The following TLN2 variants were observed in gnomAD, a reference collection of about 807,000 sequenced individuals.
TLN2 encodes talin-2.
Under a neutral mutation model 294.7 loss-of-function variants are expected in TLN2, and 118 were observed. That is an observed-to-expected ratio of 0.40 (90% CI 0.34 to 0.47). The LOEUF is 0.47. Among genes scored for constraint, TLN2 ranks in the 20% least tolerant of loss-of-function variants. The pLI is 0.84. For synonymous variants in TLN2, 1,431 were observed against 1,304.5 expected, an observed-to-expected ratio of 1.10 and a Z score of -2.09; for missense variants, 3,083 against 3,282.2, an observed-to-expected ratio of 0.94 and a Z score of 1.48.
At chr15:62,477,120 G>A (rs148667225) in intron 1 of TLN2, among the ~76,000 whole-genome samples, 8 of 152,178 alleles carry the variant, frequency 5.3e-5, no homozygotes, top group Non-Finnish European at 1.0e-4. Context: ...GAAGAAAGAC[G>A]AGATCAAGTA....
At chr15:62,750,379 T>C (rs774995308) in intron 33 of TLN2, 23 bp from the exon 34 acceptor site, 2 of 1,604,376 alleles carry the variant, frequency 1.2e-6, no homozygotes, top group Admixed American at 1.7e-5. Flanking sequence ...GCTTGCTTTT[T>C]ATGTTGTGTT....
intron 1 of TLN2, among the ~76,000 whole-genome samples, chr15:62,503,968 G>A (rs969462826): frequency 2.7e-5 from 4 of 150,584 alleles, no homozygotes; most frequent in Non-Finnish European, 4.4e-5. Flanking sequence ...GGATTTGGGC[G>A]CCACATCTGC....
intron 26 of TLN2, among the ~76,000 whole-genome samples, chr15:62,724,293 C>T (rs1052870758): frequency 6.6e-6 from 1 of 152,114 alleles, no homozygotes; most frequent in Non-Finnish European, 1.5e-5. Context: ...GTATTTATTT[C>T]TGCTGTTATT....
chr15:62,394,664 G>GCCCACAC (rs1016975503), intron 1 of TLN2, among the ~76,000 whole-genome samples: 11 of 152,132 alleles, frequency 7.2e-5, no homozygotes, highest in Non-Finnish European at 1.0e-4. Context: ...CCCCTGCAGG[G>GCCCACAC]CCCACACCCC....
Position 62,810,048 on chromosome 15 carries a change from A to G in TLN2, c.6771+16A>G. 2 of 1,605,988 alleles carry G rather than the reference A, an allele frequency of 1.2e-6. No homozygotes were observed. Among genetic ancestry groups the G allele is most frequent in the Non-Finnish European group, 1.7e-6 (2 of 1,172,750 alleles). ...CGTCTTGGTGGTAAGAAAGCGCATG[A>G]GTCAGGGCTGGGGAGTAGCTGTGTC... On this transcript the variant is annotated intron_variant, in intron 52 of 58. Transcript: ENST00000636159.
intron 14 of TLN2, among the ~76,000 whole-genome samples, chr15:62,696,852 A>G (rs771930862): frequency 4.3e-4 from 65 of 152,202 alleles, no homozygotes; most frequent in Non-Finnish European, 7.6e-4. Context: ...TCTGTGGTCA[A>G]TGGTGGTGGA....
chr15:62,719,866 C>T lies in TLN2; in HGVS notation c.2977C>T (p.Gln993Ter), dbSNP rs781212714. 1 of 1,609,936 alleles carries T rather than the reference C, an allele frequency of 6.2e-7. No individual in the cohort carries two copies. Among genetic ancestry groups the T allele is most frequent in the South Asian group, 1.1e-5 (1 of 90,062 alleles). The change falls in exon 25 of 59, where the codon CAG becomes TAG. Residue 993 changes from glutamine to a stop codon, truncating the protein, a stop_gained. Transcript: ENST00000636159. LOFTEE classifies it high-confidence loss of function. ...CCAGCTGGCTCTCATCATCTCCAGCCAGAACTTCCTCCAGGTAACAGGGCT... is the reference window on the plus strand; with the variant it reads ...CCAGCTGGCTCTCATCATCTCCAGCTAGAACTTCCTCCAGGTAACAGGGCT... The part of the protein sequence containing the change: ...SAQLALIISS[Q>*]NFLQPGSKMV...
intron 1 of TLN2, among the ~76,000 whole-genome samples, chr15:62,553,937 C>CTT (rs145432218): frequency 4.9e-4 from 68 of 138,382 alleles, no homozygotes; most frequent in African/African-American, 1.5e-3. Context: ...TTAATCTAAT[C>CTT]TTTTTTTTTT....
At chr15:62,645,619 G>T (rs1397366289) in intron 3 of TLN2, among the ~76,000 whole-genome samples, 1 of 152,172 alleles carries the variant, frequency 6.6e-6, no homozygotes, top group African/African-American at 2.4e-5. Context: ...CTGAGACCCT[G>T]GAGGCACTCG....
intron 12 of TLN2, among the ~76,000 whole-genome samples, chr15:62,690,648 A>C (rs997051066): frequency 1.3e-5 from 2 of 148,292 alleles, no homozygotes; most frequent in Admixed American, 1.3e-4. Flanking sequence ...GCACTTTGGG[A>C]GGCCAAGGCG....
At chr15:62,672,828 C>T (rs2055591707) in intron 9 of TLN2, among the ~76,000 whole-genome samples, 1 of 151,954 alleles carries the variant, frequency 6.6e-6, no homozygotes, top group African/African-American at 2.4e-5. Context: ...TGTTCCTGGC[C>T]TTTAAACTGG....
At chr15:62,553,905 A>G (rs1461806816) in intron 1 of TLN2, among the ~76,000 whole-genome samples, 4 of 151,378 alleles carry the variant, frequency 2.6e-5, no homozygotes, top group African/African-American at 9.7e-5. Context: ...ATGCTGTGCA[A>G]TTAGCTTGGG....
intron 1 of TLN2, among the ~76,000 whole-genome samples, chr15:62,519,872 A>G (rs1246428696): frequency 6.6e-6 from 1 of 152,242 alleles, no homozygotes; most frequent in Admixed American, 6.5e-5. Context: ...CTCCGTTTTC[A>G]TGCTGCTGAT....
intron 45 of TLN2, among the ~76,000 whole-genome samples, chr15:62,786,699 C>T (rs892201445): frequency 1.3e-5 from 2 of 152,134 alleles, no homozygotes; most frequent in Non-Finnish European, 2.9e-5. Context: ...AGCCCTTTCC[C>T]CCAGATGAAA....
At chr15:62,399,256 CAAAAAAAAAAAAAA>C (rs546678440) in intron 1 of TLN2, among the ~76,000 whole-genome samples, 12 of 58,430 alleles carry the variant, frequency 2.1e-4, no homozygotes, top group Non-Finnish European at 2.8e-4. Context: ...CCGTCTCAAA[CAAAAAAAAAAAAAA>C]AAAAAAAAAA....
intron 45 of TLN2, among the ~76,000 whole-genome samples, chr15:62,787,795 G>A (rs1325006715): frequency 4.8e-5 from 7 of 145,726 alleles, no homozygotes; most frequent in East Asian, 2.1e-4. Flanking sequence ...GGGTTCAAGC[G>A]ATTCTCCTGC....
intron 12 of TLN2, among the ~76,000 whole-genome samples, chr15:62,688,728 A>G (rs1567355487): frequency 6.6e-6 from 1 of 152,024 alleles, no homozygotes; most frequent in Non-Finnish European, 1.5e-5. Flanking sequence ...CTTAACAGAG[A>G]AGTTGTTTTT....
intron 1 of TLN2, among the ~76,000 whole-genome samples, chr15:62,577,218 C>T (rs1225755739): frequency 7.9e-5 from 12 of 152,100 alleles, no homozygotes; most frequent in Admixed American, 3.9e-4. Context: ...CTGAGGCGGG[C>T]GGATCACCTG....
chr15:62,399,284 A>AG (rs2032831696), intron 1 of TLN2, among the ~76,000 whole-genome samples: 1 of 150,882 alleles, frequency 6.6e-6, no homozygotes, highest in African/African-American at 2.4e-5. Context: ...AAAAAAAAAA[A>AG]AGTAAGAAAT....
Sources: allele counts gnomAD v4.1 joint callset (sites outside exome capture counted in the v4.1 genomes callset), GRCh38; gene constraint gnomAD v4.1.1; transcripts MANE v1.5; gene names NCBI Gene and HGNC (gene_info 2026-07-23, HGNC 2026-07-21).